Variants in CIT observed in about 807,000 individuals in gnomAD.
CIT encodes the protein citron Rho-interacting kinase.
CIT carries 79 observed loss-of-function variants against 272.7 expected under a neutral mutation model. That is an observed-to-expected ratio of 0.29 (90% CI 0.24 to 0.35). The LOEUF (loss-of-function observed/expected upper bound fraction) is 0.35. Ranked by LOEUF, CIT falls within the 10% of genes least tolerant of loss-of-function variation. CIT has a pLI of 1.00. For synonymous variants in CIT, 948 were observed against 995.6 expected (o/e 0.95, Z 0.90); for missense variants, 1,909 against 2,618.3 (o/e 0.73, Z 5.91).
At chr12:119,862,968 G>C (rs980957819) in intron 3 of CIT, among the ~76,000 whole-genome samples, 3 of 148,694 alleles carry the variant, frequency 2.0e-5, no homozygotes, top group Non-Finnish European at 3.0e-5. Context: ...TTGGGAAAAA[G>C]ACGAGGCCGG....
intron 16 of CIT, among the ~76,000 whole-genome samples, chr12:119,774,560 G>GTA (rs996593964): frequency 1.2e-4 from 4 of 32,558 alleles, no homozygotes; most frequent in Admixed American, 4.1e-4. Flanking sequence ...CAATGTATAT[G>GTA]TGTGTGTGTG....
At chr12:119,747,704 G>A (rs148831634) in intron 23 of CIT, among the ~76,000 whole-genome samples, 3,862 of 152,218 alleles carry the variant, frequency 0.025, 81 homozygotes, top group Non-Finnish European at 0.036. Context: ...TGGCAAGAGA[G>A]TGAGACTCCG....
At chr12:119,870,322 G>A (rs1224374302) in intron 2 of CIT, among the ~76,000 whole-genome samples, 1 of 151,880 alleles carries the variant, frequency 6.6e-6, no homozygotes, top group Non-Finnish European at 1.5e-5. Flanking sequence ...AGGCCAAGAC[G>A]GGTGGATCAC....
At position 119,700,771 on chromosome 12, in the gene CIT, T is replaced by C. The variant is rs1161376574; in HGVS notation, c.5597A>G (p.Lys1866Arg). The C allele has an allele frequency of 8.1e-6, 13 of 1,613,914 alleles. No individual in the cohort carries two copies. The highest frequency in any genetic ancestry group is 1.0e-5 in the Non-Finnish European group (12 of 1,179,990). ...YGRRSRTDDL[K>R]WSRLPLAFAY... is the part of the protein sequence containing the mutation. ...AAAGGCCAAAGGTAAGCGACTCCAC[T>C]TGAGATCGTCTGTGCGGCTACGTCT... Residue 1866 changes from lysine (K) to arginine (R), a missense_variant, in exon 44 of 48, where the codon AAG (lysine) becomes AGG (arginine). Coordinates refer to ENST00000392521, the MANE Select transcript of CIT (RefSeq NM_001206999.2).
intron 10 of CIT, among the ~76,000 whole-genome samples, chr12:119,787,345 C>T (rs921111383): frequency 2.6e-5 from 4 of 151,578 alleles, no homozygotes; most frequent in African/African-American, 7.3e-5. Flanking sequence ...GTGGGAGGAT[C>T]GCTCGAGCCC....
Position 119,804,765 on chromosome 12 carries a change from G to A in CIT, c.1112-1376C>T, listed in dbSNP as rs1966496216. Among the ~76,000 whole-genome samples the A allele has an allele frequency of 6.6e-6, 1 of 152,230 alleles. No homozygotes were observed. Among genetic ancestry groups the A allele is most frequent in the Non-Finnish European group, 1.5e-5 (1 of 68,032 alleles). On this transcript the variant is annotated intron_variant, in intron 9 of 47. Transcript: ENST00000392521. This position sits in a 1 kb window ranked among gnomAD's most constrained non-coding sequence, Gnocchi z 5.3. ...GTGGAGGGGAGAGGAGATGAAGCCA[G>A]AGGTCTGGCTGTTCCTGAGAAGTAC...
rs2996030 is a variant in CIT, at chr12:119,731,121, G to T, written c.3351-491C>A. 1.2e-4 allele frequency among the ~76,000 whole-genome samples: 18 copies of T among 151,290 alleles called. No homozygotes were observed. In the South Asian group the frequency reaches 3.3e-3, roughly 28 times the overall value. On this transcript the variant is annotated intron_variant, in intron 26 of 47. Transcript: ENST00000392521. Reference sequence around the variant, plus strand: ...CAGCCTGGGTGATAGAGCAAGACTCGGTCTCAAAACAAAACAAAAACAAAA... The same window carrying T: ...CAGCCTGGGTGATAGAGCAAGACTCTGTCTCAAAACAAAACAAAAACAAAA...
intron 8 of CIT, 65 bp from the exon 9 acceptor site, chr12:119,823,038 G>T: frequency 1.3e-6 from 2 of 1,483,102 alleles, no homozygotes; most frequent in Non-Finnish European, 1.8e-6. Context: ...GCTGCAAAGT[G>T]AAGAAAGTAT....
At chr12:119,810,706 GAAAAAAAAAAA>G (rs5801367) in intron 9 of CIT, among the ~76,000 whole-genome samples, 10 of 100,240 alleles carry the variant, frequency 1.0e-4, no homozygotes, top group African/African-American at 3.9e-4. Context: ...CATCATCTCA[GAAAAAAAAAAA>G]AAAAAAAAAG....
intron 44 of CIT, among the ~76,000 whole-genome samples, chr12:119,700,373 C>T (rs1252814006): frequency 6.6e-6 from 1 of 152,096 alleles, no homozygotes; most frequent in Admixed American, 6.5e-5. Context: ...TTTCCACTTG[C>T]AATTGCGGTT....
At chr12:119,765,729 C>T (rs749466730) in intron 19 of CIT, among the ~76,000 whole-genome samples, 5 of 151,912 alleles carry the variant, frequency 3.3e-5, no homozygotes, top group Non-Finnish European at 5.9e-5. Flanking sequence ...ATCTCGGCCT[C>T]CCAAAGTGCT....
At chr12:119,688,486 AC>A (rs1401372139) in intron 47 of CIT, among the ~76,000 whole-genome samples, 1 of 152,254 alleles carries the variant, frequency 6.6e-6, no homozygotes, top group African/African-American at 2.4e-5. Context: ...CATGTGATAC[AC>A]ACACATGCAC....
intron 2 of CIT, among the ~76,000 whole-genome samples, chr12:119,875,521 C>G (rs936991358): frequency 6.6e-6 from 1 of 151,732 alleles, no homozygotes; most frequent in African/African-American, 2.4e-5. Flanking sequence ...AGGCAAGAGG[C>G]TCACTTGAAG....
rs551001841 is a variant in CIT at position 119,826,391 on chromosome 12, T to C, written c.754-1023A>G. ...ATTTTATAAAGCTAAATGTAACCCA[T>C]TTAAAGGACTGTCCTTTTTTTCTGA... On this transcript the variant is annotated intron_variant, in intron 7 of 47. Transcript: ENST00000392521. 3.3e-5 allele frequency among the ~76,000 whole-genome samples: 5 copies of C among 152,316 alleles called. No individual in the cohort carries two copies. The East Asian group carries it at 9.7e-4, about 29-fold the overall frequency.
rs1323920411 is a variant in CIT at position 119,876,133 on chromosome 12, C to A, written c.36G>T (p.Leu12Phe). The A allele has an allele frequency of 1.2e-6, 2 of 1,613,972 alleles. No homozygotes were observed. Among genetic ancestry groups the A allele is most frequent in the South Asian group, 2.2e-5 (2 of 91,052 alleles). The change falls in exon 2 of 48, where the codon TTG becomes TTT. Residue 12 changes from leucine (L) to phenylalanine (F), a missense_variant. Leu to Phe is a conservative substitution (Grantham distance 22). Coordinates refer to ENST00000392521, the MANE Select transcript of CIT (RefSeq NM_001206999.2). ...CAATGGGTTCAGCAGCACCAGCATC[C>A]AAAGGATTCCGCGCTCCATATTTGA... The part of the protein sequence containing the change: ...LKFKYGARNP[L>F]DAGAAEPIAS...
chr12:119,756,196 G>C (rs1487515773), intron 22 of CIT, among the ~76,000 whole-genome samples: 1 of 152,210 alleles, frequency 6.6e-6, no homozygotes, highest in Non-Finnish European at 1.5e-5. Flanking sequence ...CCATGGCCCA[G>C]TCTGTTACCA....
intron 4 of CIT, among the ~76,000 whole-genome samples, chr12:119,853,018 T>G (rs1056387576): frequency 6.6e-6 from 1 of 152,122 alleles, no homozygotes; most frequent in Admixed American, 6.6e-5. Context: ...TCCATTTCTC[T>G]TAAGAACCCT....
chr12:119,714,255 T>C lies in CIT; in HGVS notation c.4248A>G (p.Thr1416=), dbSNP rs371538088. 2.5e-5 allele frequency: 41 copies of C among 1,614,160 alleles called. No individual in the cohort carries two copies. The African/African-American group carries it at 4.7e-4, about 18-fold the overall frequency. Residue 1416 remains threonine (T), a synonymous_variant, in exon 33 of 48, where the codon ACA becomes ACG. Coordinates refer to ENST00000392521, the MANE Select transcript of CIT (RefSeq NM_001206999.2). ...CGGTATCCAGACACACAGCACACTTTGTGGCTCGCATGTTCAGTCCTACGT... is the reference window on the plus strand; with the variant it reads ...CGGTATCCAGACACACAGCACACTTCGTGGCTCGCATGTTCAGTCCTACGT... The part of the protein sequence containing the change: ...RFNVGLNMRA[T]KCAVCLDTVH...
At chr12:119,720,707 C>T (rs539546634) in intron 29 of CIT, 122 bp from the exon 30 acceptor site, 3 of 633,858 alleles carry the variant, frequency 4.7e-6, no homozygotes, top group South Asian at 2.2e-5. Flanking sequence ...CCAACACAAA[C>T]AGTACTGAGT....
Sources: allele counts gnomAD v4.1 joint callset (sites outside exome capture counted in the v4.1 genomes callset), GRCh38; gene constraint gnomAD v4.1.1; non-coding constraint Gnocchi (gnomAD v3.1); transcripts MANE v1.5; gene names NCBI Gene and HGNC (gene_info 2026-07-23, HGNC 2026-07-21).